CHSY1: variants seen among roughly 807,000 people sequenced by gnomAD.
CHSY1 encodes the protein chondroitin sulfate synthase 1.
Under a neutral mutation model 59.8 loss-of-function variants are expected in CHSY1, and 13 were observed. The observed-to-expected ratio is 0.22, with a 90% CI of 0.14 to 0.35. CHSY1 has a LOEUF of 0.35. Ranked by LOEUF, CHSY1 falls within the 10% of genes least tolerant of loss-of-function variation. The pLI, the probability that CHSY1 is intolerant of heterozygous loss-of-function variation, is 1.00. For missense variants in CHSY1, 947 were observed against 1,030.6 expected (o/e 0.92, Z 1.11); for synonymous variants, 459 against 401.2 (o/e 1.14, Z -1.72).
intron 2 of CHSY1, among the ~76,000 whole-genome samples, chr15:101,187,371 C>T (rs184430195): frequency 4.0e-5 from 6 of 151,846 alleles, no homozygotes; most frequent in South Asian, 2.1e-4. Flanking sequence ...CCCAGCTACT[C>T]GGGAGGGTGA....
intron 1 of CHSY1, among the ~76,000 whole-genome samples, chr15:101,237,238 A>AC (rs1359530619): frequency 6.6e-6 from 1 of 151,386 alleles, no homozygotes; most frequent in Non-Finnish European, 1.5e-5. Context: ...AAAAAAAAAA[A>AC]AAAAAAAAAA....
intron 2 of CHSY1, among the ~76,000 whole-genome samples, chr15:101,182,044 G>C (rs2038287592): frequency 6.6e-6 from 1 of 152,200 alleles, no homozygotes; most frequent in Non-Finnish European, 1.5e-5. Context: ...TTAATACTGT[G>C]AGTTTACATT....
chr15:101,224,062 C>T (rs1178524467), intron 2 of CHSY1, among the ~76,000 whole-genome samples: 1 of 152,240 alleles, frequency 6.6e-6, no homozygotes. Context: ...AGCACAGTAA[C>T]ATGCTGTACA....
chr15:101,240,893 C>T (rs2038994376), intron 1 of CHSY1, among the ~76,000 whole-genome samples: 1 of 152,182 alleles, frequency 6.6e-6, no homozygotes, highest in Non-Finnish European at 1.5e-5. Context: ...CTGTACAAAA[C>T]TGCATCTATA....
intron 2 of CHSY1, among the ~76,000 whole-genome samples, chr15:101,216,483 A>G (rs774322421): frequency 3.3e-5 from 5 of 152,232 alleles, no homozygotes; most frequent in Admixed American, 6.5e-5. Flanking sequence ...CCGAAAACCA[A>G]ATGTCTTTCA....
At chr15:101,198,137 C>A (rs970277093) in intron 2 of CHSY1, among the ~76,000 whole-genome samples, 1 of 152,028 alleles carries the variant, frequency 6.6e-6, no homozygotes, top group Non-Finnish European at 1.5e-5. Flanking sequence ...GAGTGAGAGA[C>A]CCGCTCCCCT....
chr15:101,220,746 C>T (rs2141266343), intron 2 of CHSY1, among the ~76,000 whole-genome samples: 1 of 152,334 alleles, frequency 6.6e-6, no homozygotes, highest in African/African-American at 2.4e-5. Context: ...AGGACGCTGC[C>T]CCTCTCACTC....
rs777322137 is a variant in CHSY1, at chr15:101,235,426, C to T, written c.472G>A (p.Asp158Asn). ...CATTCATACTTGTCCAAGTAGTGGT[C>T]GTGCATGTACTTGAGCATCATGAAG... Reference protein sequence around the residue: ...KSFMMLKYMHDHYLDKYEWFM... With the variant: ...KSFMMLKYMHNHYLDKYEWFM... The change falls in exon 2 of 3, where the codon GAC (aspartate) becomes AAC (asparagine). Residue 158 changes from aspartate to asparagine, a missense_variant. This residue lies in a region of CHSY1 where 108 missense variants were observed against 144.4 expected (regional missense o/e 0.75). Coordinates refer to ENST00000254190, the MANE Select transcript of CHSY1 (RefSeq NM_014918.5). 22 of 1,613,988 alleles carry T rather than the reference C, an allele frequency of 1.4e-5. No homozygotes were observed. Among genetic ancestry groups the T allele is most frequent in the Non-Finnish European group, 8.5e-6 (10 of 1,180,036 alleles).
chr15:101,200,972 C>G (rs1353048643), intron 2 of CHSY1, among the ~76,000 whole-genome samples: 1 of 152,168 alleles, frequency 6.6e-6, no homozygotes, highest in Non-Finnish European at 1.5e-5. Flanking sequence ...CGAAGTCAGC[C>G]ACCCTGGGTA....
At position 101,196,660 on chromosome 15, in the gene CHSY1, C is replaced by T. The variant is rs577372317; in HGVS notation, c.817-17680G>A. On this transcript the variant is annotated intron_variant, in intron 2 of 2. Transcript: ENST00000254190. ...CATATACACTATGCGAACTATAGGA[C>T]GATTAGCCAACACCAGCAATAAAGC... Among the ~76,000 whole-genome samples, 42 of 152,186 alleles carry T rather than the reference C, an allele frequency of 2.8e-4. 1 individual carries two copies. In the South Asian group the frequency reaches 8.1e-3, roughly 29 times the overall value.
chr15:101,197,169 T>C (rs1459731056), intron 2 of CHSY1, among the ~76,000 whole-genome samples: 2 of 152,204 alleles, frequency 1.3e-5, no homozygotes, highest in African/African-American at 4.8e-5. Flanking sequence ...GGAGGATCAC[T>C]TGAGCCCAGG....
In CHSY1 at chr15:101,177,348, A is replaced by T. The variant is rs1457507366; in HGVS notation, c.*40T>A. The T allele has an allele frequency of 6.3e-7, 1 of 1,584,122 alleles. No homozygotes were observed. Among genetic ancestry groups the T allele is most frequent in the Non-Finnish European group, 8.5e-7 (1 of 1,169,642 alleles). ...CATACAAAAAATTTTTGAAAAATAA[A>T]TTAGATAATTAAAAACGTCTTTTCC... On this transcript the variant is annotated 3_prime_UTR_variant, in exon 3 of 3. Coordinates refer to ENST00000254190, the MANE Select transcript of CHSY1 (RefSeq NM_014918.5).
intron 2 of CHSY1, among the ~76,000 whole-genome samples, chr15:101,231,926 G>C (rs367972558): frequency 6.6e-6 from 1 of 152,190 alleles, no homozygotes; most frequent in Admixed American, 6.5e-5. Context: ...GCCAGGAGCT[G>C]AGCTCCTCCC....
chr15:101,247,585 G>C (rs559996779), intron 1 of CHSY1, among the ~76,000 whole-genome samples: 84 of 152,262 alleles, frequency 5.5e-4, no homozygotes, highest in African/African-American at 1.9e-3. Context: ...CCTAAGTAAC[G>C]AATCAGGATC....
At chr15:101,236,845 T>G (rs1274842530) in intron 1 of CHSY1, among the ~76,000 whole-genome samples, 1 of 149,650 alleles carries the variant, frequency 6.7e-6, no homozygotes, top group African/African-American at 2.5e-5. Flanking sequence ...ATAAATAAAA[T>G]AATTTTAAAA....
intron 2 of CHSY1, among the ~76,000 whole-genome samples, chr15:101,192,047 C>T (rs1057411552): frequency 6.6e-6 from 1 of 152,144 alleles, no homozygotes; most frequent in Non-Finnish European, 1.5e-5. Flanking sequence ...GTATTCTAAA[C>T]TAAAAAGCCC....
intron 2 of CHSY1, among the ~76,000 whole-genome samples, chr15:101,231,078 TAGGGGTGGTGG>T (rs2038888138): frequency 6.6e-6 from 1 of 152,026 alleles, no homozygotes; most frequent in Non-Finnish European, 1.5e-5. Context: ...TATGGGGCTG[TAGGGGTGGTGG>T]AGGGGACAGG....
At chr15:101,249,720 G>T (rs959168785) in intron 1 of CHSY1, among the ~76,000 whole-genome samples, 1 of 151,928 alleles carries the variant, frequency 6.6e-6, no homozygotes, top group Non-Finnish European at 1.5e-5. Context: ...TCACCATATT[G>T]GTCAGGCTGG....
At chr15:101,244,014 A>G (rs1276644654) in intron 1 of CHSY1, among the ~76,000 whole-genome samples, 1 of 152,210 alleles carries the variant, frequency 6.6e-6, no homozygotes, top group African/African-American at 2.4e-5. Context: ...TCAACTTGAC[A>G]CCACATCAGA....
Sources: allele counts gnomAD v4.1 joint callset (sites outside exome capture counted in the v4.1 genomes callset), GRCh38; gene constraint gnomAD v4.1.1; regional missense constraint gnomAD v4.1.1; transcripts MANE v1.5; gene names NCBI Gene and HGNC (gene_info 2026-07-23, HGNC 2026-07-21).